Variants in PICALM observed in about 807,000 individuals in gnomAD.
PICALM encodes phosphatidylinositol binding clathrin assembly protein, also known as phosphatidylinositol-binding clathrin assembly protein.
In PICALM, 40 loss-of-function variants were observed where a neutral mutation model predicts 80.5. The observed-to-expected ratio is 0.50, with a 90% confidence interval of 0.39 to 0.65. The LOEUF (loss-of-function observed/expected upper bound fraction) is 0.65, where lower values mean the gene tolerates loss of function less well. PICALM is among the 30% of genes least tolerant of loss of function. The pLI is 0.00. For missense variants in PICALM, 676 were observed against 778.9 expected (o/e 0.87, Z 1.57); for synonymous variants, 288 against 260.3 (o/e 1.11, Z -1.02).
chr11:85,991,688 A>G (rs567930013), intron 12 of PICALM, among the ~76,000 whole-genome samples: 1 of 152,312 alleles, frequency 6.6e-6, no homozygotes, highest in African/African-American at 2.4e-5. Context: ...AGTCCTACAA[A>G]TCTATCAAAA....
Position 85,996,922 on chromosome 11 carries a change from T to C in PICALM, c.1162A>G (p.Lys388Glu). The change falls in exon 12 of 20, where the codon AAG (lysine) becomes GAG (glutamate). Residue 388 changes from lysine to glutamate, a missense_variant. Lys to Glu is a moderately conservative substitution (Grantham distance 56). Coordinates refer to ENST00000393346, the MANE Select transcript of PICALM (RefSeq NM_007166.4). ...STPSSSNSTS[K>E]LPNDLLDLQQ... is the part of the protein sequence containing the mutation. ...AAATCAAGCAGATCATTGGGCAGCT[T>C]TGATGTGCTAGAAAGATATTTTGGA... 1.9e-6 allele frequency: 3 copies of C among 1,608,744 alleles called. No individual in the cohort carries two copies. The highest frequency in any genetic ancestry group is 1.7e-6 in the Non-Finnish European group (2 of 1,176,354).
At chr11:86,035,962 A>AAG (rs1555118022) in intron 1 of PICALM, among the ~76,000 whole-genome samples, 44 of 150,432 alleles carry the variant, frequency 2.9e-4, no homozygotes, top group African/African-American at 9.1e-4. Context: ...AAAAAAAAAA[A>AAG]AAAGAAAAAA....
chr11:85,968,894 T>A (rs934724988), intron 19 of PICALM, among the ~76,000 whole-genome samples: 1 of 151,226 alleles, frequency 6.6e-6, no homozygotes, highest in Non-Finnish European at 1.5e-5. Context: ...AACAATAGTA[T>A]CTGTTGTTAA....
intron 1 of PICALM, among the ~76,000 whole-genome samples, chr11:86,062,908 G>T (rs961012128): frequency 2.0e-5 from 3 of 152,170 alleles, no homozygotes; most frequent in Non-Finnish European, 4.4e-5. Context: ...GCTACCAAAA[G>T]AACAGGAAGA....
chr11:85,986,404 G>T (rs1249583102), intron 13 of PICALM, among the ~76,000 whole-genome samples: 4 of 53,242 alleles, frequency 7.5e-5, no homozygotes, highest in Admixed American at 5.9e-4. Flanking sequence ...TTTTTTTTGA[G>T]ACGGAGTCTC....
intron 1 of PICALM, among the ~76,000 whole-genome samples, chr11:86,067,382 T>C (rs1007734460): frequency 6.6e-6 from 1 of 152,216 alleles, no homozygotes; most frequent in Admixed American, 6.5e-5. Flanking sequence ...GCCCTATTTT[T>C]CCCTGAAAAG....
At chr11:85,967,447 T>C (rs1009069476) in intron 19 of PICALM, among the ~76,000 whole-genome samples, 2 of 152,370 alleles carry the variant, frequency 1.3e-5, no homozygotes, top group South Asian at 4.1e-4. Flanking sequence ...GTTGTCTTGT[T>C]AGCAATAGTG....
At position 86,000,997 on chromosome 11, in the gene PICALM, T is replaced by C. The variant is rs753967609; in HGVS notation, c.1017+38A>G. On this transcript the variant is annotated intron_variant, in intron 10 of 19. Transcript: ENST00000393346. ...GCCCCATTTACCTAATGAACACCTG[T>C]ACTCATTTTTCGAAATAAGGAGAAT... is the stretch of plus-strand genomic sequence containing the variant. 41 of 1,610,586 alleles carry C rather than the reference T, an allele frequency of 2.5e-5. 1 individual carries two copies. Among genetic ancestry groups the C allele is most frequent in the Non-Finnish European group, 3.4e-5 (40 of 1,177,796 alleles).
chr11:85,983,847 TA>T lies in PICALM; in HGVS notation c.1516+18del. ...AATTAGGACATTATAATATTTTTAA[TA>T]AAATTTTTTTTCCTTACCCCCAGAA... On this transcript the variant is annotated intron_variant, in intron 14 of 19. Transcript: ENST00000393346. 2 of 998,540 alleles carry T rather than the reference TA, an allele frequency of 2.0e-6. No homozygotes were observed. The highest frequency in any genetic ancestry group is 5.1e-5 in the East Asian group (2 of 38,854). 61.9% of individuals were successfully genotyped at this position (998,540 alleles called of 1,614,324 possible). A position where few individuals can be genotyped will look rare whatever the true frequency, so the allele number is the denominator to read the frequency against.
chr11:85,978,835 A>C (rs183514396), intron 17 of PICALM: 2 of 152,138 alleles, frequency 1.3e-5, no homozygotes, highest in Admixed American at 1.3e-4. Context: ...ATATAGATTA[A>C]TACTAACTTA....
chr11:86,004,807 A>G (rs914583746), intron 8 of PICALM, among the ~76,000 whole-genome samples: 11 of 152,184 alleles, frequency 7.2e-5, no homozygotes, highest in African/African-American at 2.7e-4. Context: ...ATATACCAGG[A>G]CCCTAGCCCA....
chr11:85,969,633 A>C, intron 19 of PICALM: 1 of 400,392 alleles, frequency 2.5e-6, no homozygotes. Context: ...GAATCATTAA[A>C]CATGCTTTAA....
intron 1 of PICALM, among the ~76,000 whole-genome samples, chr11:86,065,351 C>T (rs913716031): frequency 1.3e-5 from 2 of 151,408 alleles, no homozygotes; most frequent in African/African-American, 4.9e-5. Flanking sequence ...GAGGCTGAGG[C>T]AGAATCTCTT....
At chr11:86,012,760 T>C (rs1160452138) in intron 5 of PICALM, among the ~76,000 whole-genome samples, 2 of 151,762 alleles carry the variant, frequency 1.3e-5, no homozygotes, top group African/African-American at 2.4e-5. Context: ...CAAAATTGAA[T>C]GGCAAACAAA....
At chr11:85,970,013 G>T (rs1412523488) in intron 19 of PICALM, among the ~76,000 whole-genome samples, 1 of 152,198 alleles carries the variant, frequency 6.6e-6, no homozygotes, top group Non-Finnish European at 1.5e-5. Context: ...GAGGGGCAGA[G>T]TAAGTTATAT....
intron 3 of PICALM, among the ~76,000 whole-genome samples, chr11:86,024,058 G>C (rs148382046): frequency 9.2e-5 from 14 of 152,232 alleles, no homozygotes; most frequent in Non-Finnish European, 1.6e-4. Flanking sequence ...TGAGCCAGGA[G>C]TTAGAGGCTG....
At chr11:86,059,730 C>A (rs2096327159) in intron 1 of PICALM, among the ~76,000 whole-genome samples, 1 of 152,156 alleles carries the variant, frequency 6.6e-6, no homozygotes, top group Admixed American at 6.5e-5. Flanking sequence ...ACACTACACT[C>A]CAGCTTGGGT....
Position 86,012,270 on chromosome 11 carries a change from G to A in PICALM, c.658+11C>T, listed in dbSNP as rs762534036. ...AGATAAGAAATGTTATTAGGCTACA[G>A]CAGTATTTACCCAACAAATTAATAA... On this transcript the variant is annotated intron_variant, in intron 6 of 19. Coordinates refer to ENST00000393346, the MANE Select transcript of PICALM (RefSeq NM_007166.4). 2.2e-6 allele frequency: 3 copies of A among 1,364,466 alleles called. No homozygotes were observed. The highest frequency in any genetic ancestry group is 1.2e-5 in the South Asian group (1 of 84,598). The allele number at this position is 1,364,466 out of a possible 1,614,324, so 84.5% of individuals were successfully genotyped here.
intron 19 of PICALM, among the ~76,000 whole-genome samples, chr11:85,966,361 TG>T: frequency 6.6e-6 from 1 of 152,316 alleles, no homozygotes. Context: ...TGTGAGCCAC[TG>T]TGCCCAATTC....
Sources: gnomAD v4.1 joint callset for allele counts (sites outside exome capture counted in the v4.1 genomes callset) on GRCh38, gnomAD v4.1.1 for gene constraint, MANE v1.5 for transcripts, NCBI Gene and HGNC (gene_info 2026-07-23, HGNC 2026-07-21) for gene names.